Variants in LRP1B observed in about 807,000 individuals in gnomAD.
The protein encoded by LRP1B is LDL receptor related protein 1B, also known as low-density lipoprotein receptor-related protein 1B.
LRP1B carries 217 observed loss-of-function variants against 556.6 expected under a neutral mutation model. That is an observed-to-expected ratio of 0.39 (90% CI 0.35 to 0.44). The LOEUF (loss-of-function observed/expected upper bound fraction) is 0.44. LRP1B is among the 20% of genes least tolerant of loss of function. LRP1B has a pLI of 1.00. For missense variants in LRP1B, 5,053 were observed against 5,620.8 expected (o/e 0.90, Z 3.23); for synonymous variants, 2,047 against 1,865.8 (o/e 1.10, Z -2.50).
At chr2:141,994,931 C>T (rs936714604) in intron 1 of LRP1B, among the ~76,000 whole-genome samples, 2 of 152,026 alleles carry the variant, frequency 1.3e-5, no homozygotes, top group Admixed American at 6.6e-5. Flanking sequence ...GGTATGAAAG[C>T]TGAAGGGGTA....
At chr2:141,450,842 A>G (rs1424912827) in intron 3 of LRP1B, among the ~76,000 whole-genome samples, 1 of 152,114 alleles carries the variant, frequency 6.6e-6, no homozygotes, top group Non-Finnish European at 1.5e-5. Context: ...TTAACTCTAA[A>G]AGTTCAGCAC....
intron 2 of LRP1B, among the ~76,000 whole-genome samples, chr2:141,627,663 C>A (rs1416907353): frequency 6.6e-6 from 1 of 152,208 alleles, no homozygotes; most frequent in East Asian, 1.9e-4. Context: ...TGAAACCATT[C>A]TCCTCCACCC....
chr2:141,346,938 C>T (rs2105529439), intron 3 of LRP1B, among the ~76,000 whole-genome samples: 1 of 152,144 alleles, frequency 6.6e-6, no homozygotes, highest in African/African-American at 2.4e-5. Flanking sequence ...TTGAAAACTT[C>T]CTTTAATGTT....
chr2:141,111,443 T>C (rs909841124), intron 7 of LRP1B, among the ~76,000 whole-genome samples: 1 of 152,224 alleles, frequency 6.6e-6, no homozygotes, highest in Non-Finnish European at 1.5e-5. Context: ...ACAGTCAATA[T>C]GAAAGGAGTT....
At chr2:140,235,369 CATGTA>C (rs5834722) in intron 89 of LRP1B, among the ~76,000 whole-genome samples, 86,203 of 150,028 alleles carry the variant, frequency 0.57, 25,245 homozygotes, top group Non-Finnish European at 0.64. Flanking sequence ...TTTTTCTTCA[CATGTA>C]ATGTAATTTA....
Position 140,811,543 on chromosome 2 carries a change from C to T in LRP1B, c.5359+2114G>A, listed in dbSNP as rs1690925403. On this transcript the variant is annotated intron_variant, in intron 32 of 90. Coordinates refer to ENST00000389484, the MANE Select transcript of LRP1B (RefSeq NM_018557.3). ...ACCTTTCCTCTAATTTACTGAGTTC[C>T]TTAGTTATGCTATTTGATAGTTTGG... Among the ~76,000 whole-genome samples, 2 of 152,032 alleles carry T rather than the reference C, an allele frequency of 1.3e-5. 1 individual carries two copies. Among genetic ancestry groups the T allele is most frequent in the South Asian group, 4.2e-4 (2 of 4,818 alleles).
chr2:141,156,693 C>T (rs1199863242), intron 7 of LRP1B, among the ~76,000 whole-genome samples: 2 of 151,574 alleles, frequency 1.3e-5, no homozygotes, highest in East Asian at 3.9e-4. Flanking sequence ...TGGCATGTTA[C>T]ATGCTGAGAG....
At chr2:141,543,726 A>G (rs1685354049) in intron 2 of LRP1B, among the ~76,000 whole-genome samples, 1 of 138,750 alleles carries the variant, frequency 7.2e-6, no homozygotes, top group Admixed American at 7.2e-5. Context: ...TCCTGTCTCT[A>G]AAAGAAAAAA....
chr2:140,618,647 CAGA>C (rs1459637704), intron 41 of LRP1B, among the ~76,000 whole-genome samples: 1 of 152,056 alleles, frequency 6.6e-6, no homozygotes, highest in Non-Finnish European at 1.5e-5. Context: ...ATATTCAGGA[CAGA>C]AGAACTTAGG....
chr2:141,981,895 T>C (rs867824900), intron 1 of LRP1B, among the ~76,000 whole-genome samples: 7 of 152,054 alleles, frequency 4.6e-5, no homozygotes, highest in Middle Eastern at 3.2e-3. Context: ...TTGCTGGGTA[T>C]CTCCACCTTC....
intron 15 of LRP1B, among the ~76,000 whole-genome samples, chr2:140,995,036 C>T (rs1351825770): frequency 1.3e-5 from 2 of 152,096 alleles, no homozygotes; most frequent in East Asian, 3.9e-4. Context: ...ACTCAGGGCA[C>T]ATATCATGCT....
chr2:140,365,250 A>T (rs1020275995), intron 71 of LRP1B, among the ~76,000 whole-genome samples: 7 of 151,546 alleles, frequency 4.6e-5, no homozygotes, highest in Non-Finnish European at 7.4e-5. Context: ...GCCAGTAAAA[A>T]TTTTTTTGCA....
At chr2:141,441,074 T>C (rs904780026) in intron 3 of LRP1B, among the ~76,000 whole-genome samples, 2 of 152,000 alleles carry the variant, frequency 1.3e-5, no homozygotes, top group Admixed American at 1.3e-4. Flanking sequence ...TTATTTTTTA[T>C]TTTTTATTTT....
At chr2:142,088,454 A>G (rs1049126152) in intron 1 of LRP1B, among the ~76,000 whole-genome samples, 1 of 151,904 alleles carries the variant, frequency 6.6e-6, no homozygotes, top group African/African-American at 2.4e-5. Context: ...GTGAGTGAAA[A>G]CTCTACTAGT....
At chr2:140,335,507 G>T in intron 78 of LRP1B, 108 bp downstream of exon 78, 1 of 696,866 alleles carries the variant, frequency 1.4e-6, no homozygotes. Context: ...AAAAGCATGT[G>T]ACACTATTAC....
chr2:141,283,743 G>A (rs541977266), intron 3 of LRP1B, among the ~76,000 whole-genome samples: 35 of 149,634 alleles, frequency 2.3e-4, no homozygotes, highest in African/African-American at 8.6e-4. Flanking sequence ...CTACAGGTGT[G>A]CCCCACCACA....
intron 24 of LRP1B, among the ~76,000 whole-genome samples, 180 bp from the exon 25 acceptor site, chr2:140,884,201 C>T (rs899623523): frequency 3.9e-5 from 6 of 152,094 alleles, no homozygotes; most frequent in African/African-American, 9.7e-5. Context: ...TTAGCATTAC[C>T]GATCTTCCTT....
chr2:141,217,100 C>T (rs934241553), intron 6 of LRP1B, among the ~76,000 whole-genome samples: 19 of 152,048 alleles, frequency 1.2e-4, no homozygotes, highest in Non-Finnish European at 2.8e-4. Flanking sequence ...AAATATATGT[C>T]CCTACCAAAT....
intron 31 of LRP1B, among the ~76,000 whole-genome samples, chr2:140,838,629 T>C (rs1326480958): frequency 1.3e-5 from 2 of 152,144 alleles, no homozygotes; most frequent in African/African-American, 4.8e-5. Flanking sequence ...AGCTTCATGA[T>C]ATATTGATTC....
Sources: gnomAD v4.1 joint callset for allele counts (sites outside exome capture counted in the v4.1 genomes callset) on GRCh38, gnomAD v4.1.1 for gene constraint, MANE v1.5 for transcripts, NCBI Gene and HGNC (gene_info 2026-07-23, HGNC 2026-07-21) for gene names.